TBC1D32: variants seen among roughly 807,000 people sequenced by gnomAD.
TBC1D32 encodes the protein TBC1 domain family member 32.
A neutral mutation model predicts 170.3 loss-of-function variants in TBC1D32; 151 were observed. The observed-to-expected ratio is 0.89, with a 90% CI of 0.78 to 1.01. TBC1D32 has a LOEUF of 1.01. Ranked by LOEUF, TBC1D32 falls within the 50% of genes least tolerant of loss-of-function variation. The probability of loss-of-function intolerance (pLI) is 0.00; values close to 1 mark genes in which losing one functional copy is unlikely to be tolerated. For synonymous variants in TBC1D32, 498 were observed against 488.0 expected (o/e 1.02, Z -0.27); for missense variants, 1,464 against 1,457.1 (o/e 1.00, Z -0.08).
chr6:121,196,084 T>C (rs997897268), intron 22 of TBC1D32, among the ~76,000 whole-genome samples: 2 of 152,110 alleles, frequency 1.3e-5, no homozygotes, highest in African/African-American at 4.8e-5. Flanking sequence ...TTGTATCCCA[T>C]ATGAGTGCTC....
Position 121,325,604 on chromosome 6 carries a change from G to C in TBC1D32, c.156-3810C>G, listed in dbSNP as rs187356645. The stretch of plus-strand genomic sequence containing the variant: ...AGCTGAAACTGGATCCCTTCCTTAC[G>C]CCTTATACAAAAATTAACTCAAGAT... On this transcript the variant is annotated intron_variant, in intron 1 of 31. Transcript: ENST00000398212. Among the ~76,000 whole-genome samples, 317 of 152,146 alleles carry C rather than the reference G, an allele frequency of 2.1e-3. 1 individual carries two copies. The highest frequency in any genetic ancestry group is 7.3e-3 in the African/African-American group (305 of 41,530).
intron 15 of TBC1D32, among the ~76,000 whole-genome samples, chr6:121,267,153 G>A (rs1316813191): frequency 1.3e-5 from 2 of 150,832 alleles, no homozygotes; most frequent in African/African-American, 4.9e-5. Flanking sequence ...TCGGGGGGAG[G>A]TTCCAAGATG....
chr6:121,148,028 C>T (rs1341541059), intron 24 of TBC1D32, among the ~76,000 whole-genome samples: 1 of 149,508 alleles, frequency 6.7e-6, no homozygotes, highest in Non-Finnish European at 1.5e-5. Flanking sequence ...GATACATGTG[C>T]AGAACGTGCA....
chr6:121,113,153 T>C lies in TBC1D32; in HGVS notation c.3078A>G (p.Leu1026=), dbSNP rs778816455. 2.5e-6 allele frequency: 4 copies of C among 1,610,258 alleles called. No homozygotes were observed. Among genetic ancestry groups the C allele is most frequent in the Non-Finnish European group, 2.5e-6 (3 of 1,178,674 alleles). Residue 1026 remains leucine (L), a synonymous_variant, in exon 28 of 32, where the codon TTA becomes TTG. Transcript: ENST00000398212. The part of the protein sequence containing the change: ...TVRYGKFLSL[L]KDGAENDLTW... ...TAAGATCATTTTCTGCACCATCTTT[T>C]AAGAGACTGAGGAATTTGCCATACC...
intron 21 of TBC1D32, among the ~76,000 whole-genome samples, chr6:121,214,528 C>A (rs1483794324): frequency 1.3e-5 from 2 of 152,160 alleles, no homozygotes; most frequent in African/African-American, 4.8e-5. Flanking sequence ...GGTGCCAGCT[C>A]CCTGTGAGGC....
At chr6:121,129,512 T>C (rs1243022676) in intron 25 of TBC1D32, among the ~76,000 whole-genome samples, 3 of 152,196 alleles carry the variant, frequency 2.0e-5, no homozygotes, top group Non-Finnish European at 2.9e-5. Context: ...ATAGTTTATA[T>C]TGACTGATTT....
chr6:121,128,068 CT>C (rs1244164018), intron 25 of TBC1D32, among the ~76,000 whole-genome samples: 1 of 152,148 alleles, frequency 6.6e-6, no homozygotes, highest in Non-Finnish European at 1.5e-5. Context: ...ACACTATTTT[CT>C]GGCAAGTACT....
intron 21 of TBC1D32, among the ~76,000 whole-genome samples, chr6:121,210,533 C>A (rs905698971): frequency 3.9e-5 from 6 of 152,178 alleles, no homozygotes; most frequent in Admixed American, 3.3e-4. Context: ...TTCTAGAAAT[C>A]TAGCCTGAAG....
At chr6:121,255,825 T>G (rs1798930104) in intron 16 of TBC1D32, among the ~76,000 whole-genome samples, 1 of 152,018 alleles carries the variant, frequency 6.6e-6, no homozygotes. Context: ...GTAAGGAAAA[T>G]TAACCTAAAG....
intron 15 of TBC1D32, among the ~76,000 whole-genome samples, chr6:121,262,271 C>G (rs1219004112): frequency 6.6e-6 from 1 of 152,054 alleles, no homozygotes; most frequent in African/African-American, 2.4e-5. Context: ...TCAGGAAATA[C>G]AGAGAACCTC....
At chr6:121,290,527 T>C (rs1229677828) in intron 12 of TBC1D32, among the ~76,000 whole-genome samples, 2 of 151,930 alleles carry the variant, frequency 1.3e-5, no homozygotes, top group Admixed American at 1.3e-4. Flanking sequence ...TGTGGAGAAA[T>C]AGGAACACTT....
At chr6:121,223,144 T>C in intron 21 of TBC1D32, 92 bp downstream of exon 21, 4 of 780,840 alleles carry the variant, frequency 5.1e-6, no homozygotes, top group Non-Finnish European at 6.1e-6. Flanking sequence ...ACATAATGTT[T>C]CTTTTTTCTC....
At chr6:121,271,668 C>T (rs570707105) in intron 15 of TBC1D32, among the ~76,000 whole-genome samples, 13 of 152,226 alleles carry the variant, frequency 8.5e-5, no homozygotes, top group Non-Finnish European at 1.6e-4. Context: ...GAATCAATAT[C>T]ATGAAAATGG....
chr6:121,328,268 T>C (rs1237334762), intron 1 of TBC1D32, among the ~76,000 whole-genome samples: 3 of 151,786 alleles, frequency 2.0e-5, no homozygotes, highest in African/African-American at 7.3e-5. Flanking sequence ...GTTTTTCTAG[T>C]TTTTTATTTT....
intron 21 of TBC1D32, among the ~76,000 whole-genome samples, chr6:121,218,352 T>TGGGTTGTGACATGATTTG (rs2128322058): frequency 6.6e-6 from 1 of 152,272 alleles, no homozygotes; most frequent in Non-Finnish European, 1.5e-5. Context: ...TGACATGATT[T>TGGGTTGTGACATGATTTG]GGTTGTGTCC....
chr6:121,100,925 A>T (rs1777977914), intron 30 of TBC1D32, among the ~76,000 whole-genome samples: 1 of 152,162 alleles, frequency 6.6e-6, no homozygotes, highest in Admixed American at 6.6e-5. Context: ...ATCCCACAGA[A>T]ATACAAACTA....
intron 26 of TBC1D32, among the ~76,000 whole-genome samples, chr6:121,122,590 T>A: frequency 6.6e-6 from 1 of 152,050 alleles, no homozygotes; most frequent in Non-Finnish European, 1.5e-5. Flanking sequence ...TCAATAAAAC[T>A]TTATATGAAA....
chr6:121,187,616 A>G (rs1402857046), intron 22 of TBC1D32, among the ~76,000 whole-genome samples: 1 of 152,076 alleles, frequency 6.6e-6, no homozygotes, highest in Non-Finnish European at 1.5e-5. Flanking sequence ...CTACTGAGAA[A>G]GTGGCTCCAT....
intron 29 of TBC1D32, among the ~76,000 whole-genome samples, chr6:121,109,158 C>G (rs1257807541): frequency 6.6e-6 from 1 of 152,138 alleles, no homozygotes; most frequent in African/African-American, 2.4e-5. Context: ...ACAAGTATGT[C>G]ATGCCATTCT....
Sources: allele counts gnomAD v4.1 joint callset (sites outside exome capture counted in the v4.1 genomes callset), GRCh38; gene constraint gnomAD v4.1.1; transcripts MANE v1.5; gene names NCBI Gene and HGNC (gene_info 2026-07-23, HGNC 2026-07-21).